MAD1L1: variants seen among roughly 807,000 people sequenced by gnomAD.
MAD1L1 encodes mitotic spindle assembly checkpoint protein MAD1.
MAD1L1 carries 95 observed loss-of-function variants against 96.9 expected under a neutral mutation model. The observed-to-expected ratio is 0.98, with a 90% CI of 0.83 to 1.16. The LOEUF (loss-of-function observed/expected upper bound fraction) is 1.16, where lower values mean the gene tolerates loss of function less well. MAD1L1 is among the 50% of genes most tolerant of loss of function. The pLI is 0.00. For missense variants in MAD1L1, 1,007 were observed against 954.4 expected (o/e 1.06, Z -0.73); for synonymous variants, 473 against 396.6 (o/e 1.19, Z -2.29).
intron 13 of MAD1L1, 119 bp downstream of exon 13, chr7:2,014,383 C>T: frequency 7.5e-7 from 1 of 1,336,326 alleles, no homozygotes; most frequent in South Asian, 1.5e-5. Flanking sequence ...CAGACACCTG[C>T]CAGCCGGGAA....
At position 1,853,449 on chromosome 7, in the gene MAD1L1, A is replaced by G. The variant is rs1464221802; in HGVS notation, c.1999-37221T>C. 2.0e-5 allele frequency among the ~76,000 whole-genome samples: 3 copies of G among 152,310 alleles called. No homozygotes were observed. In the East Asian group the frequency reaches 5.8e-4, roughly 29 times the overall value. On this transcript the variant is annotated intron_variant, in intron 18 of 18. Transcript: ENST00000265854. ...CAACAAACACACGCTCAGCCCGGTC[A>G]GGCATCAGACGGCAGTGACAGACAG... is the stretch of plus-strand genomic sequence containing the variant.
intron 18 of MAD1L1, among the ~76,000 whole-genome samples, chr7:1,887,497 G>A (rs1786144800): frequency 6.6e-6 from 1 of 151,876 alleles, no homozygotes; most frequent in African/African-American, 2.4e-5. Context: ...GGGTGCATGT[G>A]TGCATGTATG....
At chr7:1,943,144 C>G in intron 16 of MAD1L1, among the ~76,000 whole-genome samples, 1 of 152,070 alleles carries the variant, frequency 6.6e-6, no homozygotes, top group African/African-American at 2.4e-5. Flanking sequence ...CCAAGACCCA[C>G]GCAAAGCCCA....
chr7:1,921,418 A>G (rs2128456593), intron 17 of MAD1L1, among the ~76,000 whole-genome samples: 1 of 151,634 alleles, frequency 6.6e-6, no homozygotes. Flanking sequence ...CCCCAGGTTC[A>G]GGCGATTCTC....
At chr7:2,164,507 C>A (rs1790324160) in intron 10 of MAD1L1, among the ~76,000 whole-genome samples, 1 of 141,284 alleles carries the variant, frequency 7.1e-6, no homozygotes, top group African/African-American at 2.7e-5. Flanking sequence ...GCATGCCTAT[C>A]AGGTTGTAGG....
At chr7:2,225,132 T>G (rs1793816312) in intron 4 of MAD1L1, among the ~76,000 whole-genome samples, 2 of 152,334 alleles carry the variant, frequency 1.3e-5, no homozygotes, top group Middle Eastern at 3.4e-3. Context: ...CCCCACAGCA[T>G]GAGTGGCCTC....
intron 10 of MAD1L1, chr7:2,200,538 G>A (rs765702314): frequency 1.3e-5 from 2 of 152,310 alleles, no homozygotes; most frequent in Non-Finnish European, 2.9e-5. Flanking sequence ...CCGATCGTGG[G>A]AGATCAGAGC....
intron 18 of MAD1L1, among the ~76,000 whole-genome samples, chr7:1,820,881 A>G (rs1205046722): frequency 6.6e-6 from 1 of 152,082 alleles, no homozygotes; most frequent in African/African-American, 2.4e-5. Context: ...GGAGATCAAG[A>G]CCATCCTGGC....
chr7:1,933,410 G>A (rs1314785835), intron 17 of MAD1L1, among the ~76,000 whole-genome samples: 5 of 152,190 alleles, frequency 3.3e-5, no homozygotes, highest in African/African-American at 9.7e-5. Context: ...TGCAGGGCAC[G>A]TGGCGGGGGT....
At chr7:2,134,695 C>A (rs1281409099) in intron 11 of MAD1L1, among the ~76,000 whole-genome samples, 1 of 152,232 alleles carries the variant, frequency 6.6e-6, no homozygotes, top group African/African-American at 2.4e-5. Flanking sequence ...TTGTGTCCAG[C>A]AGCTGCACAC....
chr7:2,226,677 C>A (rs1446245515), intron 3 of MAD1L1, among the ~76,000 whole-genome samples: 1 of 152,180 alleles, frequency 6.6e-6, no homozygotes, highest in Non-Finnish European at 1.5e-5. Context: ...AGACTACACC[C>A]CAGACCTACT....
chr7:1,964,385 C>A (rs909094093), intron 15 of MAD1L1, among the ~76,000 whole-genome samples: 1 of 152,214 alleles, frequency 6.6e-6, no homozygotes, highest in South Asian at 2.1e-4. Context: ...GAATGACCTG[C>A]GTGACCCACC....
At chr7:1,817,331 A>T (rs1781866801) in intron 18 of MAD1L1, 1 of 152,210 alleles carries the variant, frequency 6.6e-6, no homozygotes, top group Non-Finnish European at 1.5e-5. Context: ...GCGCGCAGCC[A>T]GGGGGTCTGA....
intron 10 of MAD1L1, among the ~76,000 whole-genome samples, chr7:2,205,172 G>A (rs73041340): frequency 0.027 from 3,892 of 145,368 alleles, 88 homozygotes; most frequent in South Asian, 0.073. Flanking sequence ...AAACTTCAAG[G>A]CAAGGAAAAA....
At chr7:1,818,449 T>C (rs946168154) in intron 18 of MAD1L1, among the ~76,000 whole-genome samples, 2 of 152,126 alleles carry the variant, frequency 1.3e-5, no homozygotes, top group African/African-American at 4.8e-5. Flanking sequence ...AGTGGCATGA[T>C]AACGGGTCAC....
intron 11 of MAD1L1, among the ~76,000 whole-genome samples, chr7:2,104,190 G>T (rs529451625): frequency 2.0e-5 from 3 of 152,344 alleles, no homozygotes; most frequent in Admixed American, 6.5e-5. Context: ...CCAGGACAAA[G>T]GCAGAGCAGA....
At chr7:2,064,152 G>C (rs539085623) in intron 12 of MAD1L1, among the ~76,000 whole-genome samples, 15 of 152,280 alleles carry the variant, frequency 9.9e-5, no homozygotes, top group African/African-American at 3.6e-4. Context: ...GCAACCCCCT[G>C]GCGAGGGAGC....
chr7:2,120,956 G>C (rs1011816835), intron 11 of MAD1L1, among the ~76,000 whole-genome samples: 5 of 152,180 alleles, frequency 3.3e-5, no homozygotes, highest in Non-Finnish European at 7.4e-5. Context: ...GACCTGACGT[G>C]GGGAGGCCCA....
chr7:1,823,430 G>A (rs1007591991), intron 18 of MAD1L1, among the ~76,000 whole-genome samples: 7 of 152,160 alleles, frequency 4.6e-5, no homozygotes, highest in Admixed American at 4.6e-4. Context: ...ATTGCACAGT[G>A]GAAGAGCCTG....
Sources: allele counts gnomAD v4.1 joint callset (sites outside exome capture counted in the v4.1 genomes callset), GRCh38; gene constraint gnomAD v4.1.1; transcripts MANE v1.5; gene names NCBI Gene and HGNC (gene_info 2026-07-23, HGNC 2026-07-21).